RNF111: variants seen among roughly 807,000 people sequenced by gnomAD.
RNF111 encodes the protein E3 ubiquitin-protein ligase Arkadia.
A neutral mutation model predicts 95.1 loss-of-function variants in RNF111; 17 were observed. The ratio of observed to expected loss-of-function variants is 0.18; its 90% CI spans 0.12 to 0.27. The LOEUF is 0.27. Among genes scored for constraint, RNF111 ranks in the 10% least tolerant of loss-of-function variants. RNF111 has a pLI of 1.00. For synonymous variants in RNF111, 440 were observed against 414.8 expected, an observed-to-expected ratio of 1.06 and a Z score of -0.74; for missense variants, 1,189 against 1,210.4, an observed-to-expected ratio of 0.98 and a Z score of 0.26.
At chr15:59,015,281 G>A (rs1224360672) in intron 1 of RNF111, among the ~76,000 whole-genome samples, 1 of 152,030 alleles carries the variant, frequency 6.6e-6, no homozygotes, top group African/African-American at 2.4e-5. Flanking sequence ...TTGCATACTA[G>A]CATGTTAGAG....
chr15:59,002,057 G>C (rs1306295645), intron 1 of RNF111, among the ~76,000 whole-genome samples: 1 of 152,238 alleles, frequency 6.6e-6, no homozygotes, highest in East Asian at 1.9e-4. Context: ...CATGGGCACT[G>C]TGTAGGCATT....
Position 59,095,928 on chromosome 15 carries a change from A to G in RNF111, c.*1028A>G, listed in dbSNP as rs1488116555. The G allele has an allele frequency of 7.5e-6, 3 of 397,918 alleles. No homozygotes were observed. Among genetic ancestry groups the G allele is most frequent in the African/African-American group, 6.2e-5 (3 of 48,580 alleles). The allele number at this position is 397,918 out of a possible 1,614,324, so 24.6% of individuals were successfully genotyped here. On this transcript the variant is annotated 3_prime_UTR_variant, in exon 14 of 14. Coordinates refer to ENST00000348370, the MANE Select transcript of RNF111 (RefSeq NM_017610.8). ...GGATCACTTTTAAGGGATTTTTATT[A>G]GTTTAAAGGTAAATAAAGTCAGCTG...
At chr15:59,053,336 T>C (rs2042071558) in intron 3 of RNF111, among the ~76,000 whole-genome samples, 1 of 152,214 alleles carries the variant, frequency 6.6e-6, no homozygotes, top group Non-Finnish European at 1.5e-5. Context: ...TTGGTAATAA[T>C]AGCAATAAAG....
chr15:59,056,066 G>GA (rs758133036), intron 4 of RNF111, among the ~76,000 whole-genome samples: 18 of 151,920 alleles, frequency 1.2e-4, no homozygotes, highest in Admixed American at 8.5e-4. Flanking sequence ...ATTTTCTCAG[G>GA]AAAAAATATT....
rs1423242874 is a variant in RNF111, at chr15:59,052,372, A to G, written c.948A>G (p.Glu316=). 3 of 1,606,574 alleles carry G rather than the reference A, an allele frequency of 1.9e-6. No homozygotes were observed. In the Admixed American group the frequency reaches 5.1e-5, roughly 27 times the overall value. The part of the protein sequence containing the change: ...SSTPQVTANE[E]INVTSTDSEV... ...CTCCCCAGGTTACTGCCAATGAAGA[A>G]ATTAATGTTACCTCAACTGACAGTG... is the stretch of plus-strand genomic sequence containing the variant. Residue 316 remains glutamate, a synonymous_variant, in exon 3 of 14, where the codon GAA becomes GAG. Coordinates refer to ENST00000348370, the MANE Select transcript of RNF111 (RefSeq NM_017610.8).
chr15:58,997,509 T>C (rs2039129939), intron 1 of RNF111, among the ~76,000 whole-genome samples: 1 of 145,596 alleles, frequency 6.9e-6, no homozygotes, highest in Admixed American at 6.9e-5. Context: ...GACTACACAT[T>C]TGCAGTTAAA....
chr15:58,997,516 TAAA>T (rs11337128), intron 1 of RNF111, among the ~76,000 whole-genome samples: 2 of 142,354 alleles, frequency 1.4e-5, no homozygotes. Flanking sequence ...CATTTGCAGT[TAAA>T]AAAAAAAAAA....
rs548723881 is a variant in RNF111 at position 58,993,405 on chromosome 15, G to T, written c.-20+5337G>T. 1.9e-3 allele frequency among the ~76,000 whole-genome samples: 289 copies of T among 152,030 alleles called. 5 individuals are homozygous for T. Among genetic ancestry groups the T allele is most frequent in the Middle Eastern group, 6.8e-3 (2 of 292 alleles). ...ATACAAAAATTAGCTGGGCGTGGTG[G>T]TGGGTGCCTGTAATCCCAGCTGCTT... is the stretch of plus-strand genomic sequence containing the variant. On this transcript the variant is annotated intron_variant, in intron 1 of 13. Transcript: ENST00000348370.
intron 2 of RNF111, among the ~76,000 whole-genome samples, chr15:59,042,205 C>T (rs986689952): frequency 1.3e-5 from 2 of 151,982 alleles, no homozygotes; most frequent in Non-Finnish European, 2.9e-5. Context: ...CGGCTCATTG[C>T]AACCTCAGCC....
chr15:59,000,163 CTTTTTT>C (rs71425835), intron 1 of RNF111, among the ~76,000 whole-genome samples: 15 of 132,088 alleles, frequency 1.1e-4, no homozygotes, highest in East Asian at 2.2e-4. Context: ...TTTTTTTTCC[CTTTTTT>C]TTTTTTTTTT....
rs201470570 is a variant in RNF111 at position 59,060,807 on chromosome 15, A to AT, written c.1366+2268dup. Among the ~76,000 whole-genome samples, 132 of 144,292 alleles carry AT rather than the reference A, an allele frequency of 9.1e-4. 1 individual carries two copies. In the South Asian group the frequency reaches 0.017, roughly 18 times the overall value. 94.7% of individuals were successfully genotyped at this position (144,292 alleles called of 152,430 possible). The stretch of plus-strand genomic sequence containing the variant: ...TAGCATTATTATTATTATTATTATT[A>AT]TTTTTTTTTTTGTGAGACAGGTCTG... On this transcript the variant is annotated intron_variant, in intron 5 of 13. Transcript: ENST00000348370.
At chr15:59,019,165 C>T (rs1216469473) in intron 1 of RNF111, among the ~76,000 whole-genome samples, 1 of 149,420 alleles carries the variant, frequency 6.7e-6, no homozygotes, top group African/African-American at 2.5e-5. Context: ...TTTTGAACCC[C>T]TGGGCTCAAG....
chr15:59,035,480 G>T, intron 2 of RNF111, among the ~76,000 whole-genome samples: 1 of 152,108 alleles, frequency 6.6e-6, no homozygotes, highest in East Asian at 1.9e-4. Flanking sequence ...TACAGATGTT[G>T]GGTAATTATA....
intron 2 of RNF111, among the ~76,000 whole-genome samples, chr15:59,035,656 A>G (rs941190384): frequency 2.6e-5 from 4 of 152,200 alleles, no homozygotes; most frequent in Non-Finnish European, 4.4e-5. Flanking sequence ...TTACTTTTGC[A>G]TATACCCTAA....
intron 1 of RNF111, among the ~76,000 whole-genome samples, chr15:58,996,049 C>T (rs920976101): frequency 1.3e-5 from 2 of 152,046 alleles, no homozygotes; most frequent in African/African-American, 4.8e-5. Context: ...ACGTAAGACT[C>T]AGCAACTTAT....
Position 59,075,984 on chromosome 15 carries a change from G to T in RNF111, c.1717G>T (p.Gly573Cys). The change falls in exon 7 of 14, where the codon GGT (glycine) becomes TGT (cysteine). Residue 573 changes from glycine to cysteine, a missense_variant. Transcript: ENST00000348370. The stretch of plus-strand genomic sequence containing the variant: ...ATTGCCAGTGGACCTGAGCAACAGT[G>T]GTATCAGAAGTCATGGAAGTGGCAG... ...QALPVDLSNS[G>C]IRSHGSGSFH... 6.2e-7 allele frequency: 1 copy of T among 1,614,204 alleles called. No individual in the cohort carries two copies. The highest frequency in any genetic ancestry group is 8.5e-7 in the Non-Finnish European group (1 of 1,180,036).
rs1234540868 is a variant in RNF111, at chr15:59,096,650, T to G, written c.*1750T>G. 1 of 152,202 alleles carries G rather than the reference T, an allele frequency of 6.6e-6. No homozygotes were observed. The highest frequency in any genetic ancestry group is 1.5e-5 in the Non-Finnish European group (1 of 68,038). 9.4% of individuals were successfully genotyped at this position (152,202 alleles called of 1,614,324 possible). On this transcript the variant is annotated 3_prime_UTR_variant, in exon 14 of 14. Coordinates refer to ENST00000348370, the MANE Select transcript of RNF111 (RefSeq NM_017610.8). ...AGTATGTGTGCAGATGGACGATGGA[T>G]TTAAAGAGCATACCTTATGATTAAA... is the stretch of plus-strand genomic sequence containing the variant.
At chr15:59,070,754 C>T (rs1848478436) in intron 6 of RNF111, among the ~76,000 whole-genome samples, 1 of 152,096 alleles carries the variant, frequency 6.6e-6, no homozygotes. Flanking sequence ...CCTTTTGTTT[C>T]TATTATTCCC....
chr15:58,990,001 C>G (rs1010323453), intron 1 of RNF111, among the ~76,000 whole-genome samples: 9 of 151,938 alleles, frequency 5.9e-5, no homozygotes, highest in African/African-American at 2.2e-4. Flanking sequence ...ATAAAAGAGA[C>G]CATCTGAAAA....
Sources: allele counts gnomAD v4.1 joint callset (sites outside exome capture counted in the v4.1 genomes callset), GRCh38; gene constraint gnomAD v4.1.1; transcripts MANE v1.5; gene names NCBI Gene and HGNC (gene_info 2026-07-23, HGNC 2026-07-21).